The following JARID2 variants were observed in gnomAD, a reference collection of about 807,000 sequenced individuals.
JARID2 encodes the protein jumonji and AT-rich interaction domain containing 2.
JARID2 carries 21 observed loss-of-function variants against 125.6 expected under a neutral mutation model. The observed-to-expected ratio is 0.17, with a 90% CI of 0.12 to 0.24. JARID2 has a LOEUF of 0.24. Ranked by LOEUF, JARID2 falls within the 10% of genes least tolerant of loss-of-function variation. JARID2 has a pLI of 1.00. For missense variants in JARID2, 1,303 were observed against 1,639.6 expected (o/e 0.79, Z 3.55); for synonymous variants, 736 against 661.6 (o/e 1.11, Z -1.73).
Position 15,520,580 on chromosome 6 carries a change from G to T in JARID2, c.*329G>T. 3.4e-6 allele frequency: 1 copy of T among 294,338 alleles called. No individual in the cohort carries two copies. The highest frequency in any genetic ancestry group is 8.8e-5 in the East Asian group (1 of 11,316). The allele number at this position is 294,338 out of a possible 1,614,324, so 18.2% of individuals were successfully genotyped here. A position where few individuals can be genotyped will look rare whatever the true frequency, so the allele number is the denominator to read the frequency against. On this transcript the variant is annotated 3_prime_UTR_variant, in exon 18 of 18. Transcript: ENST00000341776. ...TTTTTTTTTTTTTGTAACTGTTGGGGGGAAAAAGGCTTTTTAACCCATTTT... is the reference window on the plus strand; with the variant it reads ...TTTTTTTTTTTTTGTAACTGTTGGGTGGAAAAAGGCTTTTTAACCCATTTT...
Position 15,487,319 on chromosome 6 carries a change from C to G in JARID2, c.683C>G (p.Ser228Cys). The part of the protein sequence containing the change: ...HVHNGHVFNG[S>C]SRSTREKEPV... The stretch of plus-strand genomic sequence containing the variant: ...CCTTCCTTTCTAGTTTTCAATGGTT[C>G]CAGCAGGTCAACACGGGAGAAGGAA... Residue 228 changes from serine (S) to cysteine (C), a missense_variant, in exon 6 of 18, where the codon TCC (serine) becomes TGC (cysteine). Coordinates refer to ENST00000341776, the MANE Select transcript of JARID2 (RefSeq NM_004973.4). 1 of 1,613,916 alleles carries G rather than the reference C, an allele frequency of 6.2e-7. No homozygotes were observed. The highest frequency in any genetic ancestry group is 2.2e-5 in the East Asian group (1 of 44,870).
Position 15,309,958 on chromosome 6 carries a change from A to C in JARID2, c.45+63374A>C, listed in dbSNP as rs191830996. 2.6e-3 allele frequency among the ~76,000 whole-genome samples: 392 copies of C among 152,324 alleles called. 9 individuals carry two copies. The highest frequency in any genetic ancestry group is 0.021 in the Admixed American group (315 of 15,306). ...GTGTATTACTCTGTAATAAACAAAA[A>C]AAATGGTACCTAGAAAGCTTCTTCT... On this transcript the variant is annotated intron_variant, in intron 1 of 17. Coordinates refer to ENST00000341776, the MANE Select transcript of JARID2 (RefSeq NM_004973.4).
At chr6:15,344,529 A>T (rs1334809393) in intron 1 of JARID2, among the ~76,000 whole-genome samples, 1 of 149,354 alleles carries the variant, frequency 6.7e-6, no homozygotes, top group Non-Finnish European at 1.5e-5. Flanking sequence ...TTTAAAGTGT[A>T]CAATTCTTTT....
intron 6 of JARID2, among the ~76,000 whole-genome samples, chr6:15,491,941 T>C (rs1246240905): frequency 6.6e-6 from 1 of 152,260 alleles, no homozygotes; most frequent in Non-Finnish European, 1.5e-5. Context: ...TCACCTTATA[T>C]CCCTTCTGCA....
In JARID2 at chr6:15,403,744, A is replaced by G. The variant is rs574255068; in HGVS notation, c.182-6480A>G. Among the ~76,000 whole-genome samples, 14 of 152,136 alleles carry G rather than the reference A, an allele frequency of 9.2e-5. No individual in the cohort carries two copies. In the East Asian group the frequency reaches 2.3e-3, roughly 25 times the overall value. On this transcript the variant is annotated intron_variant, in intron 2 of 17. Transcript: ENST00000341776. ...TGTTGAAGGTGTGTCGTGGGGGCGG[A>G]TTCTGGTGGTGGTGAGAGAGCTCTT... is the stretch of plus-strand genomic sequence containing the variant.
At chr6:15,328,687 C>G (rs1447389731) in intron 1 of JARID2, among the ~76,000 whole-genome samples, 1 of 152,178 alleles carries the variant, frequency 6.6e-6, no homozygotes, top group Non-Finnish European at 1.5e-5. Context: ...AACATCCATA[C>G]AGTCAAAATG....
intron 3 of JARID2, among the ~76,000 whole-genome samples, chr6:15,413,000 G>GTTTTTTTT (rs1561845196): frequency 1.4e-4 from 9 of 65,044 alleles, no homozygotes; most frequent in African/African-American, 5.4e-4. Flanking sequence ...GGAAGAGCTT[G>GTTTTTTTT]TGTTTTTGTT....
intron 3 of JARID2, among the ~76,000 whole-genome samples, chr6:15,435,423 G>T (rs1767160490): frequency 1.3e-5 from 2 of 152,216 alleles, no homozygotes; most frequent in African/African-American, 4.8e-5. Flanking sequence ...CTGAATGTAA[G>T]AAAGTTGTCT....
intron 1 of JARID2, among the ~76,000 whole-genome samples, chr6:15,253,488 A>T (rs1759534383): frequency 6.6e-6 from 1 of 152,180 alleles, no homozygotes; most frequent in East Asian, 1.9e-4. Context: ...CACTTCTTGC[A>T]GGTGGCTTTT....
intron 1 of JARID2, among the ~76,000 whole-genome samples, chr6:15,253,649 C>A (rs1209134927): frequency 6.6e-6 from 1 of 151,962 alleles, no homozygotes; most frequent in African/African-American, 2.4e-5. Context: ...CACAGTTTGT[C>A]TTGCCACAGA....
chr6:15,515,061 T>G (rs1320189183), intron 16 of JARID2, among the ~76,000 whole-genome samples: 1 of 149,724 alleles, frequency 6.7e-6, no homozygotes, highest in African/African-American at 2.4e-5. Context: ...TTTTTTTTTG[T>G]TTGTTTGAGA....
intron 3 of JARID2, among the ~76,000 whole-genome samples, chr6:15,451,069 AGGAGAATCGCTTGAACCTG>A (rs1188431477): frequency 1.3e-5 from 2 of 152,232 alleles, no homozygotes; most frequent in African/African-American, 4.8e-5. Context: ...AGGCTGAGGT[AGGAGAATCGCTTGAACCTG>A]GGAGGTGGAG....
At position 15,363,955 on chromosome 6, in the gene JARID2, T is replaced by C. The variant is rs116385586; in HGVS notation, c.46-10162T>C. ...AATAAGGCAATATGTCAGTTTATGT[T>C]AAGTCCAAGGACAGAGTTTATTTGT... is the stretch of plus-strand genomic sequence containing the variant. On this transcript the variant is annotated intron_variant, in intron 1 of 17. Transcript: ENST00000341776. Among the ~76,000 whole-genome samples, 562 of 152,316 alleles carry C rather than the reference T, an allele frequency of 3.7e-3. 1 individual carries two copies. Among genetic ancestry groups the C allele is most frequent in the Middle Eastern group, 6.8e-3 (2 of 294 alleles).
intron 1 of JARID2, among the ~76,000 whole-genome samples, chr6:15,280,660 G>A (rs957761883): frequency 4.2e-5 from 6 of 141,758 alleles, no homozygotes; most frequent in Non-Finnish European, 6.0e-5. Context: ...ATGGAGTCTC[G>A]CTCTGTTGCC....
chr6:15,318,568 G>T (rs1762252656), intron 1 of JARID2, among the ~76,000 whole-genome samples: 1 of 152,182 alleles, frequency 6.6e-6, no homozygotes, highest in South Asian at 2.1e-4. Flanking sequence ...GAGTGAGCAG[G>T]CTGGGAACCA....
intron 9 of JARID2, among the ~76,000 whole-genome samples, chr6:15,506,278 A>G (rs141079632): frequency 1.2e-3 from 181 of 152,318 alleles, no homozygotes; most frequent in Non-Finnish European, 1.8e-3. Context: ...AGTTTCAGCA[A>G]ATACGCAGCA....
At chr6:15,464,952 C>A (rs996520452) in intron 4 of JARID2, among the ~76,000 whole-genome samples, 1 of 152,168 alleles carries the variant, frequency 6.6e-6, no homozygotes, top group Non-Finnish European at 1.5e-5. Flanking sequence ...GAGGGACTTA[C>A]TACTATTATA....
In JARID2 at chr6:15,283,485, CAT is replaced by C. The variant is rs1319787912; in HGVS notation, c.45+36902_45+36903del. The stretch of plus-strand genomic sequence containing the variant: ...CCTCCCGAGTAGCTGGGACTACAGG[CAT>C]GCACCAGCTACGCCCGGCTAATTTT... On this transcript the variant is annotated intron_variant, in intron 1 of 17. Transcript: ENST00000341776. Among the ~76,000 whole-genome samples, 426 of 145,588 alleles carry C rather than the reference CAT, an allele frequency of 2.9e-3. 6 individuals carry two copies. Among genetic ancestry groups the C allele is most frequent in the African/African-American group, 1.0e-2 (389 of 39,076 alleles).
chr6:15,364,199 C>T (rs13195345), intron 1 of JARID2, among the ~76,000 whole-genome samples: 40,034 of 151,988 alleles, frequency 0.26, 5,477 homozygotes, highest in East Asian at 0.38. Flanking sequence ...CCAGCAGTGT[C>T]CTGGGTCCTG....
Sources: gnomAD v4.1 joint callset for allele counts (sites outside exome capture counted in the v4.1 genomes callset) on GRCh38, gnomAD v4.1.1 for gene constraint, MANE v1.5 for transcripts, NCBI Gene and HGNC (gene_info 2026-07-23, HGNC 2026-07-21) for gene names.